KCMF1: variants seen among roughly 807,000 people sequenced by gnomAD.
The protein encoded by KCMF1 is E3 ubiquitin-protein ligase KCMF1.
In KCMF1, 3 loss-of-function variants were observed where a neutral mutation model predicts 41.1. The ratio of observed to expected loss-of-function variants is 0.07; its 90% CI spans 0.03 to 0.19. The LOEUF is 0.19. KCMF1 is among the 10% of genes least tolerant of loss of function. The probability of loss-of-function intolerance (pLI) is 1.00; values close to 1 mark genes in which losing one functional copy is unlikely to be tolerated. For synonymous variants in KCMF1, 142 were observed against 164.5 expected, an observed-to-expected ratio of 0.86 and a Z score of 1.04; for missense variants, 286 against 488.9, an observed-to-expected ratio of 0.58 and a Z score of 3.91.
chr2:84,994,087 A>G (rs914818616), intron 1 of KCMF1, among the ~76,000 whole-genome samples: 10 of 151,788 alleles, frequency 6.6e-5, no homozygotes, highest in South Asian at 2.1e-4. Context: ...AGCTGGGACT[A>G]CTGGCACTCG....
chr2:85,055,068 T>C lies in KCMF1; in HGVS notation c.*1659T>C, dbSNP rs1166442892. 1.3e-5 allele frequency: 2 copies of C among 152,248 alleles called. No homozygotes were observed. The highest frequency in any genetic ancestry group is 4.8e-5 in the African/African-American group (2 of 41,462). 9.4% of individuals were successfully genotyped at this position (152,248 alleles called of 1,614,324 possible). On this transcript the variant is annotated 3_prime_UTR_variant, in exon 7 of 7. Coordinates refer to ENST00000409785, the MANE Select transcript of KCMF1 (RefSeq NM_020122.5). ...TTCTTTAGTTCTGTAATGGATAATG[T>C]TTAAAGGAAAACTTTACACCAGGCT...
intron 3 of KCMF1, 57 bp from the exon 4 acceptor site, chr2:85,043,507 A>C: frequency 1.0e-6 from 1 of 982,610 alleles, no homozygotes; most frequent in Non-Finnish European, 1.6e-6. Context: ...ATACTCGTCC[A>C]GAAAGATGTC....
chr2:84,976,438 G>A (rs1439487438), intron 1 of KCMF1, among the ~76,000 whole-genome samples: 1 of 151,470 alleles, frequency 6.6e-6, no homozygotes, highest in Admixed American at 6.6e-5. Context: ...ACTCCTGACC[G>A]CAAGTGATCC....
rs773996130 is a variant in KCMF1, at chr2:85,053,250, G to A, written c.987G>A (p.Val329=). Reference sequence around the variant, plus strand: ...AAGAGCTCCTTCTGTCCACTTTAGTGCGTGAAGAGAGCTCATCCTCAGATG... The same window carrying A: ...AAGAGCTCCTTCTGTCCACTTTAGTACGTGAAGAGAGCTCATCCTCAGATG... ...FVQELLLSTL[V]REESSSSDED... Residue 329 remains valine, a synonymous_variant, in exon 7 of 7, where the codon GTG becomes GTA. Coordinates refer to ENST00000409785, the MANE Select transcript of KCMF1 (RefSeq NM_020122.5). The A allele has an allele frequency of 2.5e-6, 4 of 1,614,040 alleles. No individual in the cohort carries two copies. The highest frequency in any genetic ancestry group is 1.7e-5 in the Admixed American group (1 of 60,028).
chr2:85,045,690 G>T (rs1675647886), intron 4 of KCMF1, among the ~76,000 whole-genome samples: 1 of 152,190 alleles, frequency 6.6e-6, no homozygotes, highest in South Asian at 2.1e-4. Context: ...CTATCTGTGT[G>T]TCTTATACAA....
Position 84,971,359 on chromosome 2 carries a change from A to AGTCG in KCMF1, c.-91_-88dup. ...CGGCCGAGCCCGGGAGTCGAGTGGG[A>AGTCG]GTCGGCCGGCCGGCGCGGGCAGCGC... is the stretch of plus-strand genomic sequence containing the variant. On this transcript the variant is annotated 5_prime_UTR_variant, in exon 1 of 7. Transcript: ENST00000409785. The AGTCG allele has an allele frequency of 1.4e-6, 1 of 715,582 alleles. No individual in the cohort carries two copies. Among genetic ancestry groups the AGTCG allele is most frequent in the Non-Finnish European group, 1.7e-6 (1 of 573,470 alleles). 44.3% of individuals were successfully genotyped at this position (715,582 alleles called of 1,614,324 possible). A position where few individuals can be genotyped will look rare whatever the true frequency, so the allele number is the denominator to read the frequency against.
chr2:84,974,309 G>T (rs1689064551), intron 1 of KCMF1, among the ~76,000 whole-genome samples: 1 of 152,112 alleles, frequency 6.6e-6, no homozygotes, highest in Admixed American at 6.5e-5. Flanking sequence ...GGCCTTATGT[G>T]TGCAGGTAAT....
At chr2:85,036,770 C>T (rs1264424567) in intron 3 of KCMF1, among the ~76,000 whole-genome samples, 1 of 149,880 alleles carries the variant, frequency 6.7e-6, no homozygotes, top group Non-Finnish European at 1.5e-5. Flanking sequence ...GCACTGCAGC[C>T]TGGGTAACAG....
intron 1 of KCMF1, among the ~76,000 whole-genome samples, chr2:84,977,115 G>T (rs1180420883): frequency 6.6e-6 from 1 of 152,042 alleles, no homozygotes; most frequent in African/African-American, 2.4e-5. Context: ...CCAGGCTCAA[G>T]TGATCCTCCC....
At chr2:85,008,819 C>CA (rs972805000) in intron 1 of KCMF1, among the ~76,000 whole-genome samples, 3 of 149,494 alleles carry the variant, frequency 2.0e-5, no homozygotes, top group African/African-American at 7.4e-5. Context: ...GGCTGGAGTG[C>CA]AGTGGCTCAA....
chr2:85,024,608 G>A (rs139640926), intron 1 of KCMF1, among the ~76,000 whole-genome samples: 8 of 151,140 alleles, frequency 5.3e-5, no homozygotes, highest in South Asian at 2.1e-4. Context: ...GTGTGTGTGC[G>A]CGTGTGTGTG....
At chr2:85,031,216 T>C in intron 2 of KCMF1, among the ~76,000 whole-genome samples, 1 of 152,258 alleles carries the variant, frequency 6.6e-6, no homozygotes. Context: ...ATCGGTAGAT[T>C]AGTTTGGAGA....
chr2:84,988,370 G>A (rs1673954626), intron 1 of KCMF1, among the ~76,000 whole-genome samples: 1 of 152,180 alleles, frequency 6.6e-6, no homozygotes, highest in Non-Finnish European at 1.5e-5. Flanking sequence ...GCCAGGCACT[G>A]TTGTAAGCAT....
intron 1 of KCMF1, among the ~76,000 whole-genome samples, chr2:85,000,685 C>G (rs1674304154): frequency 6.6e-6 from 1 of 151,140 alleles, no homozygotes; most frequent in East Asian, 1.9e-4. Flanking sequence ...TAGTGACATA[C>G]TAGAAAGTAA....
At chr2:85,045,481 G>A (rs1465400471) in intron 4 of KCMF1, among the ~76,000 whole-genome samples, 1 of 152,108 alleles carries the variant, frequency 6.6e-6, no homozygotes, top group East Asian at 1.9e-4. Context: ...TGGTCTGTTT[G>A]GTACTTTAAA....
intron 3 of KCMF1, among the ~76,000 whole-genome samples, chr2:85,040,294 A>G (rs1021295440): frequency 6.6e-6 from 1 of 152,136 alleles, no homozygotes; most frequent in Admixed American, 6.5e-5. Flanking sequence ...AATGTTGACA[A>G]GCTGTCATAA....
chr2:84,973,103 A>G (rs1398600074), intron 1 of KCMF1, among the ~76,000 whole-genome samples: 1 of 152,232 alleles, frequency 6.6e-6, no homozygotes, highest in African/African-American at 2.4e-5. Flanking sequence ...CTTCAAGACA[A>G]AACAAAAGTG....
rs1161720896 is a variant in KCMF1 at position 85,054,155 on chromosome 2, A to G, written c.*746A>G. 2.0e-5 allele frequency: 3 copies of G among 152,216 alleles called. No individual in the cohort carries two copies. Among genetic ancestry groups the G allele is most frequent in the South Asian group, 2.1e-4 (1 of 4,832 alleles). The allele number at this position is 152,216 out of a possible 1,614,324, so 9.4% of individuals were successfully genotyped here. Reference sequence around the variant, plus strand: ...TGCTGCAGGGGCCTTTGTGTGCCCTAAAAACAAATCCTGTTCATGTTTGTT... The same window carrying G: ...TGCTGCAGGGGCCTTTGTGTGCCCTGAAAACAAATCCTGTTCATGTTTGTT... On this transcript the variant is annotated 3_prime_UTR_variant, in exon 7 of 7. Transcript: ENST00000409785.
intron 2 of KCMF1, among the ~76,000 whole-genome samples, chr2:85,032,989 C>A (rs182215107): frequency 6.6e-6 from 1 of 152,262 alleles, no homozygotes; most frequent in African/African-American, 2.4e-5. Flanking sequence ...TTGTCTTGTT[C>A]TGATCTTAGG....
Sources: allele counts gnomAD v4.1 joint callset (sites outside exome capture counted in the v4.1 genomes callset), GRCh38; gene constraint gnomAD v4.1.1; transcripts MANE v1.5; gene names NCBI Gene and HGNC (gene_info 2026-07-23, HGNC 2026-07-21).